The following NRG1 variants were observed in gnomAD, a reference collection of about 807,000 sequenced individuals.
NRG1 encodes the protein pro-neuregulin-1, membrane-bound isoform.
In NRG1, 18 loss-of-function variants were observed where a neutral mutation model predicts 63.8. The observed-to-expected ratio is 0.28, with a 90% confidence interval of 0.19 to 0.42. The LOEUF (loss-of-function observed/expected upper bound fraction) is 0.42. Ranked by LOEUF, NRG1 falls within the 10% of genes least tolerant of loss-of-function variation. The probability of loss-of-function intolerance (pLI) is 1.00; values close to 1 mark genes in which losing one functional copy is unlikely to be tolerated. For synonymous variants in NRG1, 302 were observed against 301.3 expected, an observed-to-expected ratio of 1.00 and a Z score of -0.02; for missense variants, 762 against 814.7, an observed-to-expected ratio of 0.94 and a Z score of 0.79.
At chr8:31,651,488 G>A (rs1342394674) in intron 1 of NRG1, among the ~76,000 whole-genome samples, 1 of 152,210 alleles carries the variant, frequency 6.6e-6, no homozygotes, top group Non-Finnish European at 1.5e-5. Context: ...AAATGGATGA[G>A]GTCAGCACAG....
chr8:32,517,989 A>G (rs1259354554), intron 1 of NRG1, among the ~76,000 whole-genome samples: 1 of 152,194 alleles, frequency 6.6e-6, no homozygotes, highest in Non-Finnish European at 1.5e-5. Context: ...AATGGGGCTC[A>G]GAGCAGGGGA....
chr8:32,242,846 A>G (rs1467313923), intron 1 of NRG1, among the ~76,000 whole-genome samples: 2 of 152,202 alleles, frequency 1.3e-5, no homozygotes, highest in Non-Finnish European at 2.9e-5. Flanking sequence ...AGTTTAATAT[A>G]TTGCTCAAGG....
intron 1 of NRG1, among the ~76,000 whole-genome samples, chr8:32,446,122 G>C (rs1295304617): frequency 6.6e-6 from 1 of 152,068 alleles, no homozygotes; most frequent in South Asian, 2.1e-4. Context: ...AACACATATA[G>C]AGCACTATTG....
intron 10 of NRG1, 110 bp from the exon 11 acceptor site, chr8:32,760,090 G>A: frequency 8.2e-7 from 1 of 1,214,170 alleles, no homozygotes; most frequent in South Asian, 1.4e-5. Flanking sequence ...GTGAGCTCCG[G>A]GTGCATCAGT....
chr8:31,987,344 G>C (rs1239580954), intron 1 of NRG1, among the ~76,000 whole-genome samples: 3 of 148,734 alleles, frequency 2.0e-5, no homozygotes, highest in African/African-American at 7.5e-5. Context: ...GTGTGTGTGT[G>C]TGTGTATGTG....
At chr8:31,991,047 A>C (rs148165869) in intron 1 of NRG1, among the ~76,000 whole-genome samples, 1 of 152,218 alleles carries the variant, frequency 6.6e-6, no homozygotes, top group East Asian at 1.9e-4. Flanking sequence ...CAAGTCAGTT[A>C]TAAATGTTAA....
At chr8:32,772,888 A>G (rs1831900045), downstream of NRG1, among the ~76,000 whole-genome samples, 1 of 152,120 alleles carries the variant, frequency 6.6e-6, no homozygotes, top group South Asian at 2.1e-4. Flanking sequence ...GGTACCTTCC[A>G]ACAACGAGAT....
chr8:31,791,583 T>A (rs1396969258), intron 1 of NRG1, among the ~76,000 whole-genome samples: 1 of 152,238 alleles, frequency 6.6e-6, no homozygotes, highest in African/African-American at 2.4e-5. Flanking sequence ...GTAAAATGTC[T>A]CAGTAGACCA....
At chr8:32,367,504 G>A (rs1329789278) in intron 1 of NRG1, among the ~76,000 whole-genome samples, 1 of 150,850 alleles carries the variant, frequency 6.6e-6, no homozygotes, top group African/African-American at 2.4e-5. Flanking sequence ...TTACATATTT[G>A]GCTTTTGTTT....
intron 1 of NRG1, among the ~76,000 whole-genome samples, chr8:32,552,652 T>G (rs1834372886): frequency 6.6e-6 from 1 of 152,202 alleles, no homozygotes; most frequent in African/African-American, 2.4e-5. Context: ...ACCTGGTTAC[T>G]TGTAACCACC....
chr8:32,648,852 T>A (rs1854303780), intron 5 of NRG1, among the ~76,000 whole-genome samples: 1 of 152,324 alleles, frequency 6.6e-6, no homozygotes, highest in African/African-American at 2.4e-5. Context: ...CTGCCTGTTG[T>A]CTCTCTCTCC....
chr8:32,548,928 C>T, intron 1 of NRG1, 102 bp downstream of exon 1: 4 of 1,387,904 alleles, frequency 2.9e-6, no homozygotes, highest in South Asian at 1.5e-5. Context: ...TCTCCCTCGC[C>T]CGTCCTCTTC....
intron 1 of NRG1, among the ~76,000 whole-genome samples, chr8:32,155,579 A>ATCAT (rs1052128073): frequency 6.6e-6 from 1 of 152,224 alleles, no homozygotes; most frequent in African/African-American, 2.4e-5. Flanking sequence ...CATGGGCCAT[A>ATCAT]TCATTAGGCA....
chr8:31,801,884 G>T (rs533141729), intron 1 of NRG1, among the ~76,000 whole-genome samples: 2 of 152,250 alleles, frequency 1.3e-5, no homozygotes, highest in East Asian at 3.9e-4. Context: ...TGAGGCTCAA[G>T]TTCTACACTA....
At chr8:31,797,741 T>C (rs1403808490) in intron 1 of NRG1, among the ~76,000 whole-genome samples, 1 of 152,212 alleles carries the variant, frequency 6.6e-6, no homozygotes, top group Non-Finnish European at 1.5e-5. Flanking sequence ...TTGTTAACAC[T>C]ATTTATGGCA....
At chr8:32,037,702 C>T (rs1381743516) in intron 1 of NRG1, among the ~76,000 whole-genome samples, 1 of 152,172 alleles carries the variant, frequency 6.6e-6, no homozygotes, top group African/African-American at 2.4e-5. Context: ...GCAGTCTGGC[C>T]AGGAACTGTC....
At chr8:31,698,807 C>A (rs887273297) in intron 1 of NRG1, among the ~76,000 whole-genome samples, 4 of 152,146 alleles carry the variant, frequency 2.6e-5, no homozygotes, top group Admixed American at 2.6e-4. Context: ...TAATATAAAT[C>A]TTTGTTTTCA....
chr8:32,666,669 T>C (rs1194837584), intron 5 of NRG1, among the ~76,000 whole-genome samples: 1 of 152,170 alleles, frequency 6.6e-6, no homozygotes, highest in Non-Finnish European at 1.5e-5. Flanking sequence ...GTCTTAGCCA[T>C]TGTTAGGCGT....
At chr8:32,267,076 GAGAGAGAGAA>G (rs1361585081) in intron 1 of NRG1, among the ~76,000 whole-genome samples, 2 of 144,734 alleles carry the variant, frequency 1.4e-5, no homozygotes, top group African/African-American at 2.5e-5. Flanking sequence ...AAAAAAGAAA[GAGAGAGAGAA>G]AGAGAGAGAA....
Sources: gnomAD v4.1 joint callset for allele counts (sites outside exome capture counted in the v4.1 genomes callset) on GRCh38, gnomAD v4.1.1 for gene constraint, MANE v1.5 for transcripts, NCBI Gene and HGNC (gene_info 2026-07-23, HGNC 2026-07-21) for gene names.